PDE8B: variants seen among roughly 807,000 people sequenced by gnomAD.
The protein encoded by PDE8B is phosphodiesterase 8B.
Under a neutral mutation model 101.3 loss-of-function variants are expected in PDE8B, and 26 were observed. The observed-to-expected ratio is 0.26, with a 90% CI of 0.19 to 0.36. PDE8B has a LOEUF of 0.36. Among genes scored for constraint, PDE8B ranks in the 10% least tolerant of loss-of-function variants. The probability of loss-of-function intolerance (pLI) is 1.00; values close to 1 mark genes in which losing one functional copy is unlikely to be tolerated. For missense variants in PDE8B, 810 were observed against 1,163.1 expected (o/e 0.70, Z 4.42); for synonymous variants, 424 against 429.3 (o/e 0.99, Z 0.15).
chr5:77,313,677 G>T (rs1416839805), intron 2 of PDE8B, among the ~76,000 whole-genome samples: 1 of 152,116 alleles, frequency 6.6e-6, no homozygotes, highest in Non-Finnish European at 1.5e-5. Context: ...TCATAAAGGT[G>T]CATGTGTGTA....
chr5:77,288,353 G>A (rs1277219718), intron 1 of PDE8B, among the ~76,000 whole-genome samples: 4 of 152,180 alleles, frequency 2.6e-5, no homozygotes, highest in African/African-American at 9.7e-5. Context: ...CAGGGGATAT[G>A]GACACCAAAA....
chr5:77,324,200 T>C (rs982334063), intron 2 of PDE8B, among the ~76,000 whole-genome samples: 2 of 152,124 alleles, frequency 1.3e-5, no homozygotes, highest in African/African-American at 4.8e-5. Context: ...TACTATAGGT[T>C]TTTCTTATTA....
rs1435265340 is a variant in PDE8B at position 77,233,652 on chromosome 5, CTCTGTGTGTG to C, written c.339+22390_339+22399del. On this transcript the variant is annotated intron_variant, in intron 1 of 21. Coordinates refer to ENST00000264917, the MANE Select transcript of PDE8B (RefSeq NM_003719.5). The stretch of plus-strand genomic sequence containing the variant: ...CCTGACAGCCCCCAACCCCCTGAAG[CTCTGTGTGTG>C]TGTGTGTGTGTGTGTGTGTGTGTGT... Among the ~76,000 whole-genome samples, 458 of 127,034 alleles carry C rather than the reference CTCTGTGTGTG, an allele frequency of 3.6e-3. 1 individual carries two copies. The highest frequency in any genetic ancestry group is 8.3e-3 in the African/African-American group (276 of 33,072). The allele number at this position is 127,034 out of a possible 152,430, so 83.3% of individuals were successfully genotyped here. A position where few individuals can be genotyped will look rare whatever the true frequency, so the allele number is the denominator to read the frequency against.
chr5:77,339,596 G>A (rs911077916), intron 6 of PDE8B, among the ~76,000 whole-genome samples: 2 of 152,136 alleles, frequency 1.3e-5, no homozygotes, highest in Non-Finnish European at 2.9e-5. Context: ...TGCACCCCAA[G>A]GCAGGCAAGC....
chr5:77,242,419 G>C (rs1755957644), intron 1 of PDE8B, among the ~76,000 whole-genome samples: 1 of 152,200 alleles, frequency 6.6e-6, no homozygotes, highest in African/African-American at 2.4e-5. Context: ...AAGGACAATA[G>C]TTGTGCAGAA....
the PDE8B span, among the ~76,000 whole-genome samples, chr5:77,185,614 A>C: frequency 6.6e-6 from 1 of 152,208 alleles, no homozygotes; most frequent in African/African-American, 2.4e-5. Context: ...TCTGTCAGAC[A>C]GCACATCCTG....
At chr5:77,091,282 T>G in the PDE8B span, among the ~76,000 whole-genome samples, 1 of 152,156 alleles carries the variant, frequency 6.6e-6, no homozygotes, top group Non-Finnish European at 1.5e-5. Flanking sequence ...CATCAAAATA[T>G]CCCATGCACC....
intron 10 of PDE8B, among the ~76,000 whole-genome samples, chr5:77,390,973 C>T (rs368675923): frequency 2.0e-5 from 3 of 152,180 alleles, no homozygotes; most frequent in African/African-American, 4.8e-5. Flanking sequence ...CTGCAGATGT[C>T]ATGCTGCCAG....
At chr5:77,111,837 T>C in the PDE8B span, 4 of 152,258 alleles carry the variant, frequency 2.6e-5, no homozygotes, top group African/African-American at 9.6e-5. Context: ...AAGAGAGTCA[T>C]TGGAAGGAAT....
chr5:77,167,095 T>A, the PDE8B span, among the ~76,000 whole-genome samples: 1 of 152,226 alleles, frequency 6.6e-6, no homozygotes, highest in Non-Finnish European at 1.5e-5. Flanking sequence ...AAAGTTTGCC[T>A]GGCAGCATGT....
At chr5:77,198,511 C>G in the PDE8B span, among the ~76,000 whole-genome samples, 1 of 152,196 alleles carries the variant, frequency 6.6e-6, no homozygotes, top group African/African-American at 2.4e-5. Context: ...CTTCTCACAT[C>G]GGTGAAACCA....
At chr5:77,350,227 C>A (rs1405361924) in intron 8 of PDE8B, among the ~76,000 whole-genome samples, 5 of 152,088 alleles carry the variant, frequency 3.3e-5, no homozygotes, top group African/African-American at 1.2e-4. Flanking sequence ...GTTAAATAAG[C>A]CCTGTATCCA....
At chr5:77,218,400 T>A (rs1056511715) in intron 1 of PDE8B, among the ~76,000 whole-genome samples, 5 of 152,206 alleles carry the variant, frequency 3.3e-5, no homozygotes, top group African/African-American at 1.2e-4. Context: ...GGGATAAATT[T>A]CCCAAGGCGA....
chr5:77,255,215 A>G (rs905136928), intron 1 of PDE8B, among the ~76,000 whole-genome samples: 2 of 152,154 alleles, frequency 1.3e-5, no homozygotes, highest in African/African-American at 4.8e-5. Flanking sequence ...TTCCCCAACC[A>G]GGCTCTGCTG....
chr5:77,234,773 A>G (rs1321755232), intron 1 of PDE8B, among the ~76,000 whole-genome samples: 1 of 152,200 alleles, frequency 6.6e-6, no homozygotes, highest in Non-Finnish European at 1.5e-5. Flanking sequence ...TATCTTTGGA[A>G]GTAAGTGATT....
chr5:77,305,898 G>C (rs907334438), intron 1 of PDE8B, among the ~76,000 whole-genome samples: 4 of 152,174 alleles, frequency 2.6e-5, no homozygotes, highest in Non-Finnish European at 4.4e-5. Flanking sequence ...CAAAGTGCAA[G>C]TCAAGCTTGC....
chr5:77,135,905 T>C, the PDE8B span, among the ~76,000 whole-genome samples: 1 of 152,108 alleles, frequency 6.6e-6, no homozygotes, highest in Non-Finnish European at 1.5e-5. Context: ...GCATGAGCAT[T>C]GGCAAATTTG....
the PDE8B span, among the ~76,000 whole-genome samples, chr5:77,199,997 T>G: frequency 3.9e-5 from 6 of 151,914 alleles, no homozygotes; most frequent in South Asian, 1.2e-3. Context: ...ATAATGGGAC[T>G]TTTGTCTTCT....
chr5:77,298,420 T>C (rs1186590500), intron 1 of PDE8B, among the ~76,000 whole-genome samples: 2 of 152,314 alleles, frequency 1.3e-5, no homozygotes, highest in African/African-American at 4.8e-5. Flanking sequence ...GTTACCCACG[T>C]GACAGGCTGC....
Sources: gnomAD v4.1 joint callset for allele counts (sites outside exome capture counted in the v4.1 genomes callset) on GRCh38, gnomAD v4.1.1 for gene constraint, MANE v1.5 for transcripts, NCBI Gene and HGNC (gene_info 2026-07-23, HGNC 2026-07-21) for gene names.